ZC4H2: variants seen among roughly 807,000 people sequenced by gnomAD.
ZC4H2 encodes the protein zinc finger C4H2-type containing, also known as zinc finger C4H2 domain-containing protein.
For synonymous variants in ZC4H2, 84 were observed against 66.3 expected (o/e 1.27, Z -1.30); for missense variants, 137 against 173.9 (o/e 0.79, Z 1.19).
intron 1 of ZC4H2, among the ~76,000 whole-genome samples, chrX:64,926,602 G>A (rs1033113278): frequency 3.6e-5 from 4 of 111,604 alleles, no homozygotes; most frequent in African/African-American, 1.3e-4. Context: ...ATCTTAATTT[G>A]CATTTCCCTA....
intron 1 of ZC4H2, among the ~76,000 whole-genome samples, chrX:64,972,314 T>C (rs1230755459): frequency 9.0e-6 from 1 of 111,315 alleles, no homozygotes; most frequent in Admixed American, 9.6e-5. Flanking sequence ...CCACTGCAAA[T>C]TCTGCCATTG....
At chrX:65,034,714 G>T (rs1932985847), upstream of ZC4H2, 1 of 113,142 alleles carries the variant, frequency 8.8e-6, no homozygotes, top group African/African-American at 3.2e-5. Flanking sequence ...CTCCGACAGC[G>T]GCGCCAGCGG....
At chrX:64,970,860 T>C (rs1461081739) in intron 1 of ZC4H2, among the ~76,000 whole-genome samples, 1 of 111,671 alleles carries the variant, frequency 9.0e-6, no homozygotes, top group Non-Finnish European at 1.9e-5. Context: ...CAGTAGCAGA[T>C]AAGGTCAGAA....
chrX:64,916,663 C>G lies in ZC4H2; in HGVS notation c.*1120G>C, dbSNP rs1484125024. On this transcript the variant is annotated 3_prime_UTR_variant, in exon 5 of 5. Transcript: ENST00000374839. ...ATCTTCGAGTGACCTTACCAGGAAACCTGGCTTTGGTGGAAAGGAGAGCTG... is the reference window on the plus strand; with the variant it reads ...ATCTTCGAGTGACCTTACCAGGAAAGCTGGCTTTGGTGGAAAGGAGAGCTG... 9.0e-6 allele frequency: 1 copy of G among 111,442 alleles called. No homozygotes were observed. The highest frequency in any genetic ancestry group is 1.9e-5 in the Non-Finnish European group (1 of 53,102). 9.2% of individuals were successfully genotyped at this position (111,442 alleles called of 1,213,427 possible). A position where few individuals can be genotyped will look rare whatever the true frequency, so the allele number is the denominator to read the frequency against.
intron 1 of ZC4H2, among the ~76,000 whole-genome samples, chrX:65,017,340 C>T (rs1396704357): frequency 3.6e-5 from 4 of 112,197 alleles, no homozygotes; most frequent in Admixed American, 9.5e-5. Context: ...ATTTCACACA[C>T]GAAATTATGC....
chrX:64,971,201 GAA>G (rs1281936976), intron 1 of ZC4H2, among the ~76,000 whole-genome samples: 1 of 112,519 alleles, frequency 8.9e-6, no homozygotes, highest in Non-Finnish European at 1.9e-5. Flanking sequence ...CATACACAAT[GAA>G]AAGTTAGTGA....
rs1930666208 is a variant in ZC4H2 at position 64,948,937 on chromosome X, TCTGTAAACATA to T, written c.54-26960_54-26950del. On this transcript the variant is annotated intron_variant, in intron 1 of 4. Coordinates refer to ENST00000374839, the MANE Select transcript of ZC4H2 (RefSeq NM_018684.4). ...AATTAATATTGTAAAACAAATTTTG[TCTGTAAACATA>T]TTGACTAAATTTAAAGAGGTATTAT... 4.5e-5 allele frequency among the ~76,000 whole-genome samples: 5 copies of T among 112,130 alleles called. No homozygotes were observed. The Admixed American group carries it at 4.8e-4, about 11-fold the overall frequency.
chrX:64,935,156 C>T (rs1273418943), intron 1 of ZC4H2, among the ~76,000 whole-genome samples: 6 of 111,318 alleles, frequency 5.4e-5, no homozygotes, highest in Admixed American at 9.5e-5. Flanking sequence ...GGGGCGTCCG[C>T]CATTTCTGAG....
chrX:64,989,918 A>G (rs1393636447), intron 1 of ZC4H2, among the ~76,000 whole-genome samples: 1 of 111,958 alleles, frequency 8.9e-6, no homozygotes. Flanking sequence ...TCACTAATAC[A>G]TTGCAGGTGA....
chrX:64,950,976 T>G (rs1930792000), intron 1 of ZC4H2, among the ~76,000 whole-genome samples: 1 of 110,077 alleles, frequency 9.1e-6, no homozygotes, highest in Non-Finnish European at 1.9e-5. Flanking sequence ...CCCACAACAG[T>G]CCCCAGAGTG....
At chrX:64,953,956 G>A (rs937408344) in intron 1 of ZC4H2, among the ~76,000 whole-genome samples, 1 of 110,504 alleles carries the variant, frequency 9.0e-6, no homozygotes. Context: ...AAGAAAATGT[G>A]GCATATATAC....
intron 1 of ZC4H2, among the ~76,000 whole-genome samples, chrX:65,015,726 C>A (rs760878343): frequency 1.3e-4 from 15 of 112,106 alleles, no homozygotes; most frequent in Non-Finnish European, 2.6e-4. Flanking sequence ...GACCTCAACC[C>A]TTCACTAGTT....
chrX:64,959,582 C>T (rs1042277813), intron 1 of ZC4H2, among the ~76,000 whole-genome samples: 2 of 108,387 alleles, frequency 1.8e-5, no homozygotes, highest in African/African-American at 6.7e-5. Flanking sequence ...CTGAGTTCTT[C>T]TTCATACAAA....
intron 1 of ZC4H2, among the ~76,000 whole-genome samples, chrX:65,008,760 G>T (rs903143356): frequency 2.7e-5 from 3 of 111,801 alleles, no homozygotes; most frequent in East Asian, 5.6e-4. Context: ...GGAGGTAAAA[G>T]AATTGAACTC....
intron 1 of ZC4H2, among the ~76,000 whole-genome samples, chrX:64,992,022 A>C (rs1932318643): frequency 9.0e-6 from 1 of 111,512 alleles, no homozygotes; most frequent in Admixed American, 9.6e-5. Flanking sequence ...TGCAGGGAGG[A>C]AAAAATGGGG....
At chrX:64,968,193 A>T (rs1032980703) in intron 1 of ZC4H2, among the ~76,000 whole-genome samples, 2 of 112,212 alleles carry the variant, frequency 1.8e-5, no homozygotes, top group Non-Finnish European at 3.8e-5. Context: ...TGCTATCAAA[A>T]TTTAATCTTC....
At chrX:64,999,039 G>GTT (rs58094683) in intron 1 of ZC4H2, among the ~76,000 whole-genome samples, 178 of 11,840 alleles carry the variant, frequency 0.015, 19 homozygotes, top group African/African-American at 0.02. Context: ...TGGATTATGT[G>GTT]TTTTTTTTTT....
chrX:64,996,839 G>C (rs899062302), intron 1 of ZC4H2, among the ~76,000 whole-genome samples: 1 of 110,838 alleles, frequency 9.0e-6, no homozygotes, highest in South Asian at 3.8e-4. Flanking sequence ...AGAGCCTAAG[G>C]GACCTGTGGT....
upstream of ZC4H2, among the ~76,000 whole-genome samples, chrX:64,981,320 C>G (rs1281376558): frequency 1.8e-5 from 2 of 111,234 alleles, no homozygotes; most frequent in Non-Finnish European, 3.8e-5. Flanking sequence ...TCACTGACTG[C>G]TGTGAGAACA....
Sources: gnomAD v4.1 joint callset for allele counts (sites outside exome capture counted in the v4.1 genomes callset) on GRCh38, gnomAD v4.1.1 for gene constraint, MANE v1.5 for transcripts, NCBI Gene and HGNC (gene_info 2026-07-23, HGNC 2026-07-21) for gene names.